The following SLC39A11 variants were observed in gnomAD, a reference collection of about 807,000 sequenced individuals.
SLC39A11 encodes solute carrier family 39 member 11, also known as zinc transporter ZIP11.
In SLC39A11, 33 loss-of-function variants were observed where a neutral mutation model predicts 36.1. The ratio of observed to expected loss-of-function variants is 0.91; its 90% CI spans 0.69 to 1.22. The LOEUF is 1.22. Among genes scored for constraint, SLC39A11 ranks in the 50% most tolerant of loss-of-function variants. The probability of loss-of-function intolerance (pLI) is 0.00; values close to 1 mark genes in which losing one functional copy is unlikely to be tolerated. For missense variants in SLC39A11, 432 were observed against 430.3 expected, an observed-to-expected ratio of 1.00 and a Z score of -0.03; for synonymous variants, 166 against 170.3, an observed-to-expected ratio of 0.97 and a Z score of 0.20.
intron 6 of SLC39A11, among the ~76,000 whole-genome samples, chr17:72,808,533 G>A (rs2077332773): frequency 6.6e-6 from 1 of 152,176 alleles, no homozygotes; most frequent in South Asian, 2.1e-4. Flanking sequence ...CCTGAATTCT[G>A]CTAAAATGTA....
intron 6 of SLC39A11, among the ~76,000 whole-genome samples, chr17:72,786,431 A>G (rs1437999959): frequency 6.6e-6 from 1 of 152,148 alleles, no homozygotes. Flanking sequence ...ATACCCTCCC[A>G]CATACATGTC....
intron 2 of SLC39A11, among the ~76,000 whole-genome samples, chr17:73,087,313 T>C (rs1486443145): frequency 6.6e-6 from 1 of 152,164 alleles, no homozygotes; most frequent in African/African-American, 2.4e-5. Flanking sequence ...CGGGATTTTA[T>C]TGTTGAAATC....
At chr17:73,013,452 A>T (rs556377664) in intron 4 of SLC39A11, among the ~76,000 whole-genome samples, 25 of 152,242 alleles carry the variant, frequency 1.6e-4, no homozygotes, top group Non-Finnish European at 3.5e-4. Flanking sequence ...TCTGTGTTCA[A>T]TCACAACCAT....
At chr17:72,653,441 CT>C (rs66924570) in intron 7 of SLC39A11, among the ~76,000 whole-genome samples, 81,526 of 124,486 alleles carry the variant, frequency 0.65, 25,286 homozygotes, top group African/African-American at 0.72. Context: ...CTTTTCTTTT[CT>C]TTTTTTTTTT....
At chr17:72,777,837 C>T (rs750345421) in intron 6 of SLC39A11, among the ~76,000 whole-genome samples, 1 of 151,602 alleles carries the variant, frequency 6.6e-6, no homozygotes, top group Non-Finnish European at 1.5e-5. Flanking sequence ...CTATGCTTTA[C>T]GTACACTGTG....
At chr17:72,747,033 C>A (rs538380334) in intron 6 of SLC39A11, among the ~76,000 whole-genome samples, 1 of 152,196 alleles carries the variant, frequency 6.6e-6, no homozygotes, top group Admixed American at 6.5e-5. Flanking sequence ...GGTGACAGAG[C>A]GAGACTCTGG....
chr17:72,841,732 A>C (rs886433861), intron 6 of SLC39A11, among the ~76,000 whole-genome samples: 7 of 152,146 alleles, frequency 4.6e-5, no homozygotes, highest in African/African-American at 7.2e-5. Context: ...ATAAATGCTT[A>C]AGTTGATGGG....
chr17:72,736,186 A>G (rs753851891), intron 7 of SLC39A11, among the ~76,000 whole-genome samples: 14 of 152,180 alleles, frequency 9.2e-5, no homozygotes, highest in Non-Finnish European at 1.9e-4. Flanking sequence ...GTCCCTGGGA[A>G]CATCACCTCT....
intron 7 of SLC39A11, among the ~76,000 whole-genome samples, chr17:72,662,474 GGAAAA>G (rs1251372274): frequency 4.4e-5 from 5 of 113,720 alleles, no homozygotes; most frequent in Non-Finnish European, 1.8e-5. Context: ...AGGAAAGGAA[GGAAAA>G]GAAAAGAAAG....
At chr17:73,021,627 T>G (rs1265288524) in intron 4 of SLC39A11, among the ~76,000 whole-genome samples, 1 of 152,140 alleles carries the variant, frequency 6.6e-6, no homozygotes, top group East Asian at 1.9e-4. Flanking sequence ...GCTCCCAGCC[T>G]CTTTCCCCTT....
chr17:73,032,007 G>C (rs1325795823), intron 3 of SLC39A11, among the ~76,000 whole-genome samples: 2 of 152,078 alleles, frequency 1.3e-5, no homozygotes, highest in African/African-American at 4.8e-5. Flanking sequence ...CAATGGTTTT[G>C]CCCTCCACAG....
chr17:72,846,168 TACAGG>T (rs977111690), intron 6 of SLC39A11, among the ~76,000 whole-genome samples: 2 of 152,040 alleles, frequency 1.3e-5, no homozygotes, highest in African/African-American at 4.8e-5. Context: ...TAGCTGGGAT[TACAGG>T]CATGTGCCAC....
chr17:73,074,296 T>C lies in SLC39A11; in HGVS notation c.147+10512A>G, dbSNP rs376915506. ...TATCCCTGACTTCATGCTACAATTA[T>C]TCCCCCCACCCCCCGCCCCAAGACA... is the stretch of plus-strand genomic sequence containing the variant. On this transcript the variant is annotated intron_variant, in intron 3 of 9. Transcript: ENST00000255559. 3.9e-4 allele frequency among the ~76,000 whole-genome samples: 56 copies of C among 142,914 alleles called. No individual in the cohort carries two copies. In the East Asian group the frequency reaches 6.2e-3, roughly 16 times the overall value. 93.8% of individuals were successfully genotyped at this position (142,914 alleles called of 152,430 possible). A position where few individuals can be genotyped will look rare whatever the true frequency, so the allele number is the denominator to read the frequency against.
chr17:72,874,400 T>C (rs564512198), intron 5 of SLC39A11, among the ~76,000 whole-genome samples: 9 of 152,206 alleles, frequency 5.9e-5, no homozygotes, highest in Admixed American at 5.9e-4. Context: ...CATGATTTTG[T>C]GGGAAAGCTC....
At chr17:72,950,105 C>T (rs1346761638) in intron 4 of SLC39A11, among the ~76,000 whole-genome samples, 1 of 152,200 alleles carries the variant, frequency 6.6e-6, no homozygotes, top group Non-Finnish European at 1.5e-5. Context: ...AAAATGAACA[C>T]ATATGCCCTT....
intron 6 of SLC39A11, 33 bp from the exon 7 acceptor site, chr17:72,736,752 A>T: frequency 5.8e-6 from 9 of 1,553,162 alleles, no homozygotes; most frequent in Non-Finnish European, 8.0e-6. Context: ...AAGAGGGGTT[A>T]GGAATATTTC....
intron 5 of SLC39A11, among the ~76,000 whole-genome samples, chr17:72,897,554 G>A (rs372815770): frequency 1.3e-5 from 2 of 152,182 alleles, no homozygotes; most frequent in South Asian, 2.1e-4. Flanking sequence ...GAGAGGCAAC[G>A]GGTTTAGGAG....
At position 72,740,056 on chromosome 17, in the gene SLC39A11, C is replaced by CTTTTTTTTTTTTTTTTTTTT. The variant is rs386386565; in HGVS notation, c.602-3357_602-3338dup. ...AGCTAGATAGAATTTCTTTCCTTTTCTTTTTTTTTTTTTTTTTTTTTTTTG... is the reference window on the plus strand; with the variant it reads ...AGCTAGATAGAATTTCTTTCCTTTTCTTTTTTTTTTTTTTTTTTTTTTTTTTTTTTTTTTTTTTTTTTTTG... On this transcript the variant is annotated intron_variant, in intron 6 of 9. Transcript: ENST00000255559. 4.9e-5 allele frequency among the ~76,000 whole-genome samples: 4 copies of CTTTTTTTTTTTTTTTTTTTT among 81,462 alleles called. 2 individuals carry two copies. The highest frequency in any genetic ancestry group is 1.0e-4 in the African/African-American group (2 of 19,410). The allele number at this position is 81,462 out of a possible 152,430, so 53.4% of individuals were successfully genotyped here.
At chr17:72,938,024 C>A (rs1276768698) in intron 5 of SLC39A11, among the ~76,000 whole-genome samples, 1 of 152,166 alleles carries the variant, frequency 6.6e-6, no homozygotes, top group African/African-American at 2.4e-5. Flanking sequence ...GCTGGCAAAT[C>A]CCTGAACATC....
Sources: allele counts gnomAD v4.1 joint callset (sites outside exome capture counted in the v4.1 genomes callset), GRCh38; gene constraint gnomAD v4.1.1; transcripts MANE v1.5; gene names NCBI Gene and HGNC (gene_info 2026-07-23, HGNC 2026-07-21).